The following COL4A1 variants were observed in gnomAD, a reference collection of about 807,000 sequenced individuals.
The protein encoded by COL4A1 is collagen alpha-1(IV) chain.
COL4A1 carries 40 observed loss-of-function variants against 216.6 expected under a neutral mutation model. The ratio of observed to expected loss-of-function variants is 0.18; its 90% CI spans 0.14 to 0.24. The LOEUF is 0.24. Among genes scored for constraint, COL4A1 ranks in the 10% least tolerant of loss-of-function variants. The probability of loss-of-function intolerance (pLI) is 1.00; values close to 1 mark genes in which losing one functional copy is unlikely to be tolerated. For missense variants in COL4A1, 1,628 were observed against 2,196.8 expected (o/e 0.74, Z 5.18); for synonymous variants, 839 against 810.7 (o/e 1.03, Z -0.59).
intron 1 of COL4A1, among the ~76,000 whole-genome samples, chr13:110,274,253 G>A (rs76659884): frequency 3.9e-5 from 6 of 152,074 alleles, no homozygotes; most frequent in Admixed American, 2.0e-4. Flanking sequence ...TCTCTAATAC[G>A]TCGTATGTAG....
At chr13:110,230,498 A>G (rs933368877) in intron 2 of COL4A1, among the ~76,000 whole-genome samples, 9 of 151,696 alleles carry the variant, frequency 5.9e-5, no homozygotes, top group African/African-American at 1.9e-4. Context: ...GAGGAACAGA[A>G]AGGGCAGAAA....
At chr13:110,163,015 T>C (rs1180465708) in intron 47 of COL4A1, among the ~76,000 whole-genome samples, 1 of 152,252 alleles carries the variant, frequency 6.6e-6, no homozygotes, top group Admixed American at 6.5e-5. Flanking sequence ...TTTGTTCAAT[T>C]AGTCAGTGGC....
chr13:110,165,823 A>G lies in COL4A1; in HGVS notation c.4021+409T>C, dbSNP rs556368714. Among the ~76,000 whole-genome samples the G allele has an allele frequency of 9.6e-4, 146 of 152,290 alleles. 2 individuals are homozygous for G. The South Asian group carries it at 0.029, about 30-fold the overall frequency. ...GGCTCCCACCGGTGGAGAAGCCAAC[A>G]GCACCTTTCCCAGGAAGAATTCTTT... is the stretch of plus-strand genomic sequence containing the variant. On this transcript the variant is annotated intron_variant, in intron 45 of 51. Coordinates refer to ENST00000375820, the MANE Select transcript of COL4A1 (RefSeq NM_001845.6).
intron 1 of COL4A1, among the ~76,000 whole-genome samples, chr13:110,300,194 G>A (rs973319943): frequency 2.6e-5 from 4 of 152,150 alleles, no homozygotes; most frequent in African/African-American, 4.8e-5. Context: ...TCTGTACAAC[G>A]CTGAAACAGA....
intron 1 of COL4A1, among the ~76,000 whole-genome samples, chr13:110,284,259 A>C (rs1883752456): frequency 6.6e-6 from 1 of 152,188 alleles, no homozygotes; most frequent in Non-Finnish European, 1.5e-5. Context: ...TCACAAGCAG[A>C]GCTAAGCTGG....
intron 4 of COL4A1, 41 bp from the exon 5 acceptor site, chr13:110,212,659 G>A (rs773555373): frequency 6.2e-7 from 1 of 1,611,474 alleles, no homozygotes; most frequent in South Asian, 1.1e-5. Context: ...GAAGAGCCGG[G>A]AAGCCTCACT....
chr13:110,170,744 A>G lies in COL4A1; in HGVS notation c.3557-12T>C, dbSNP rs767737358. ...CTCACCCTTTGAACCTGAACAAGAA[A>G]AACAGTTTGAGGTGATGGGAAACGC... On this transcript the variant is annotated splice_polypyrimidine_tract_variant and intron_variant, in intron 41 of 51. Transcript: ENST00000375820. 1.9e-6 allele frequency: 3 copies of G among 1,613,992 alleles called. No individual in the cohort carries two copies. Among genetic ancestry groups the G allele is most frequent in the South Asian group, 1.1e-5 (1 of 91,086 alleles).
intron 2 of COL4A1, among the ~76,000 whole-genome samples, chr13:110,220,079 A>C (rs1880400028): frequency 7.3e-6 from 1 of 137,910 alleles, no homozygotes; most frequent in Non-Finnish European, 1.6e-5. Flanking sequence ...CTGGGATTAT[A>C]GTAGTGTGCC....
chr13:110,259,303 A>G (rs1054084174), intron 1 of COL4A1, among the ~76,000 whole-genome samples: 1 of 152,228 alleles, frequency 6.6e-6, no homozygotes, highest in Non-Finnish European at 1.5e-5. Flanking sequence ...CACTCAGTCC[A>G]GTGACTAATT....
chr13:110,188,812 C>T (rs938206612), intron 24 of COL4A1, among the ~76,000 whole-genome samples: 4 of 152,172 alleles, frequency 2.6e-5, no homozygotes, highest in Admixed American at 6.5e-5. Context: ...TGCTTCCTAA[C>T]AGCTGAAACA....
At chr13:110,196,587 C>CA (rs1878900854) in intron 21 of COL4A1, among the ~76,000 whole-genome samples, 2 of 144,034 alleles carry the variant, frequency 1.4e-5, no homozygotes, top group African/African-American at 5.2e-5. Context: ...GACAAAAAAA[C>CA]AAAAAACAAA....
Position 110,178,898 on chromosome 13 carries a change from A to G in COL4A1, c.2458+25T>C, listed in dbSNP as rs184004477. On this transcript the variant is annotated intron_variant, in intron 31 of 51. Coordinates refer to ENST00000375820, the MANE Select transcript of COL4A1 (RefSeq NM_001845.6). ...CAGAAAAGCATGCTTTTGGGAACAG[A>G]TAATTCTAGAAGCATGTCACTCACC... The G allele has an allele frequency of 2.7e-5, 42 of 1,565,132 alleles. No homozygotes were observed. The African/African-American group carries it at 5.3e-4, about 20-fold the overall frequency.
rs564326434 is a variant in COL4A1 at position 110,209,896 on chromosome 13, T to C, written c.615+84A>G. The stretch of plus-strand genomic sequence containing the variant: ...AGAGCGACCACAACTGTGTAAAGTT[T>C]TTACTAAATTATTATTTATTTTCAA... On this transcript the variant is annotated intron_variant, in intron 10 of 51. Coordinates refer to ENST00000375820, the MANE Select transcript of COL4A1 (RefSeq NM_001845.6). 8 of 1,497,206 alleles carry C rather than the reference T, an allele frequency of 5.3e-6. No homozygotes were observed. In the East Asian group the frequency reaches 1.6e-4, roughly 30 times the overall value. 92.7% of individuals were successfully genotyped at this position (1,497,206 alleles called of 1,614,324 possible).
chr13:110,181,310 T>G lies in COL4A1; in HGVS notation c.2175A>C (p.Pro725=). 1 of 1,613,844 alleles carries G rather than the reference T, an allele frequency of 6.2e-7. No homozygotes were observed. The highest frequency in any genetic ancestry group is 8.5e-7 in the Non-Finnish European group (1 of 1,179,898). Residue 725 remains proline, a synonymous_variant, in exon 29 of 52, where the codon CCA becomes CCC. Coordinates refer to ENST00000375820, the MANE Select transcript of COL4A1 (RefSeq NM_001845.6). ...RPGFNGLPGN[P]GVQGQKGEPG... is the part of the protein sequence containing the mutation. ...CACTCACCTTCTGGCCCTGCACACC[T>G]GGGTTCCCAGGTAAGCCATTAAATC...
intron 18 of COL4A1, 187 bp from the exon 19 acceptor site, chr13:110,201,709 T>G (rs775327039): frequency 1.3e-6 from 1 of 745,412 alleles, no homozygotes; most frequent in Non-Finnish European, 2.4e-6. Flanking sequence ...GACAGGCCGG[T>G]GCGGTGGCTC....
At position 110,199,687 on chromosome 13, in the gene COL4A1, C is replaced by CAG. The variant is rs143552652; in HGVS notation, c.1121-1058_1121-1057dup. On this transcript the variant is annotated intron_variant, in intron 20 of 51. Transcript: ENST00000375820. ...CAGGCGAGCCCAGGGCAGGACTGGA[C>CAG]AGAGAGCAGCGCAGCGACTTTGGGA... Among the ~76,000 whole-genome samples, 494 of 152,292 alleles carry CAG rather than the reference C, an allele frequency of 3.2e-3. 5 individuals carry two copies. The highest frequency in any genetic ancestry group is 0.012 in the African/African-American group (480 of 41,556).
At chr13:110,217,036 A>G (rs1373226048) in intron 2 of COL4A1, among the ~76,000 whole-genome samples, 2 of 152,212 alleles carry the variant, frequency 1.3e-5, no homozygotes, top group East Asian at 3.8e-4. Flanking sequence ...TGACTCCTCC[A>G]TGGACATGGT....
At chr13:110,181,221 C>T in intron 29 of COL4A1, 71 bp downstream of exon 29, 2 of 1,483,122 alleles carry the variant, frequency 1.3e-6, no homozygotes, top group Non-Finnish European at 1.9e-6. Flanking sequence ...CGTTCACAAC[C>T]TGCATTTTTT....
At chr13:110,306,629 C>A (rs1355573769) in intron 1 of COL4A1, among the ~76,000 whole-genome samples, 1 of 152,212 alleles carries the variant, frequency 6.6e-6, no homozygotes, top group African/African-American at 2.4e-5. Context: ...CCGAGCATAC[C>A]CGCGACGCGG....
Sources: allele counts gnomAD v4.1 joint callset (sites outside exome capture counted in the v4.1 genomes callset), GRCh38; gene constraint gnomAD v4.1.1; transcripts MANE v1.5; gene names NCBI Gene and HGNC (gene_info 2026-07-23, HGNC 2026-07-21).